Variants in SAMSN1 observed in about 807,000 individuals in gnomAD.
The protein encoded by SAMSN1 is SAM domain-containing protein SAMSN-1.
SAMSN1 carries 31 observed loss-of-function variants against 42.0 expected under a neutral mutation model. The observed-to-expected ratio is 0.74, with a 90% confidence interval of 0.55 to 1.00. SAMSN1 has a LOEUF of 1.00. Ranked by LOEUF, SAMSN1 falls within the 50% of genes least tolerant of loss-of-function variation. The pLI is 0.00. For synonymous variants in SAMSN1, 178 were observed against 151.9 expected, an observed-to-expected ratio of 1.17 and a Z score of -1.26; for missense variants, 464 against 439.4, an observed-to-expected ratio of 1.06 and a Z score of -0.50.
intron 2 of SAMSN1, among the ~76,000 whole-genome samples, chr21:14,625,001 A>G (rs1410317083): frequency 1.3e-5 from 2 of 152,218 alleles, no homozygotes; most frequent in Non-Finnish European, 1.5e-5. Flanking sequence ...ATAATCCAGC[A>G]TATAAACAGA....
In SAMSN1 at chr21:14,506,316, C is replaced by A. The variant is rs1223196681; in HGVS notation, c.561+3994G>T. Among the ~76,000 whole-genome samples, 18 of 151,632 alleles carry A rather than the reference C, an allele frequency of 1.2e-4. 1 individual carries two copies. Among genetic ancestry groups the A allele is most frequent in the Admixed American group, 1.1e-3 (17 of 15,218 alleles). ...TGAAAAGATGAATAAAATTAATAGA[C>A]CATTAGTAAGAATTCAAATAAGCTC... On this transcript the variant is annotated intron_variant, in intron 5 of 7. Transcript: ENST00000400566.
At chr21:14,504,436 A>G (rs537587740) in intron 5 of SAMSN1, among the ~76,000 whole-genome samples, 2 of 152,338 alleles carry the variant, frequency 1.3e-5, no homozygotes, top group South Asian at 2.1e-4. Flanking sequence ...AACAATGGAC[A>G]TGCTTATAGA....
At chr21:14,651,457 A>G (rs1019679595) in intron 1 of SAMSN1, among the ~76,000 whole-genome samples, 8 of 152,012 alleles carry the variant, frequency 5.3e-5, no homozygotes, top group Non-Finnish European at 1.2e-4. Context: ...AATTTATACT[A>G]AAAAATCATT....
intron 5 of SAMSN1, among the ~76,000 whole-genome samples, chr21:14,603,584 G>T (rs1982492860): frequency 6.6e-6 from 1 of 152,200 alleles, no homozygotes; most frequent in Admixed American, 6.5e-5. Context: ...TTAATTAAGT[G>T]TAGAGATTGA....
intron 5 of SAMSN1, among the ~76,000 whole-genome samples, chr21:14,504,742 AAACACG>A (rs1324031167): frequency 2.0e-5 from 3 of 152,196 alleles, no homozygotes; most frequent in Non-Finnish European, 4.4e-5. Context: ...CAAATACAAG[AAACACG>A]AACCTAGGAA....
chr21:14,527,562 A>C (rs1453623929), intron 1 of SAMSN1, among the ~76,000 whole-genome samples: 1 of 152,164 alleles, frequency 6.6e-6, no homozygotes, highest in South Asian at 2.1e-4. Context: ...GGTCTATTCT[A>C]TCTCTCTGGT....
chr21:14,501,639 A>C (rs1409085175), intron 5 of SAMSN1, among the ~76,000 whole-genome samples: 1 of 152,218 alleles, frequency 6.6e-6, no homozygotes, highest in Non-Finnish European at 1.5e-5. Flanking sequence ...CTATGGTATA[A>C]AATAAACCCA....
exon 2 of SAMSN1, chr21:14,582,222 C>A: frequency 6.4e-7 from 1 of 1,550,846 alleles, no homozygotes; most frequent in Non-Finnish European, 8.7e-7. Context: ...CAGGGTCCAA[C>A]TTGTGCTATT....
At chr21:14,504,572 A>T (rs1297918272) in intron 5 of SAMSN1, among the ~76,000 whole-genome samples, 1 of 152,234 alleles carries the variant, frequency 6.6e-6, no homozygotes, top group African/African-American at 2.4e-5. Context: ...GAATAAGAAA[A>T]TATGAACAAA....
At chr21:14,502,866 T>C (rs1195384039) in intron 5 of SAMSN1, among the ~76,000 whole-genome samples, 1 of 152,182 alleles carries the variant, frequency 6.6e-6, no homozygotes, top group African/African-American at 2.4e-5. Flanking sequence ...ACCTTAAATG[T>C]TAAATAATAA....
intron 1 of SAMSN1, among the ~76,000 whole-genome samples, chr21:14,543,484 C>T (rs940392269): frequency 6.6e-6 from 1 of 152,066 alleles, no homozygotes; most frequent in African/African-American, 2.4e-5. Flanking sequence ...TGATATAGGA[C>T]TGAAAATCTA....
At chr21:14,567,190 A>G (rs1377279741) in intron 2 of SAMSN1, among the ~76,000 whole-genome samples, 3 of 152,040 alleles carry the variant, frequency 2.0e-5, no homozygotes, top group Admixed American at 6.6e-5. Flanking sequence ...TTGTCAGAAG[A>G]CAGAAAGGAA....
intron 1 of SAMSN1, among the ~76,000 whole-genome samples, chr21:14,523,727 C>T (rs772158493): frequency 2.0e-5 from 3 of 152,134 alleles, no homozygotes; most frequent in African/African-American, 4.8e-5. Flanking sequence ...AGTAAGGGTG[C>T]GATTTCCACA....
intron 2 of SAMSN1, among the ~76,000 whole-genome samples, chr21:14,520,493 C>G (rs1978385877): frequency 6.6e-6 from 1 of 152,142 alleles, no homozygotes; most frequent in African/African-American, 2.4e-5. Context: ...TGAATTCTAT[C>G]TTTTCGGGTT....
At chr21:14,546,327 G>T (rs1453460476), upstream of SAMSN1, 50 of 1,604,288 alleles carry the variant, frequency 3.1e-5, no homozygotes, top group Non-Finnish European at 4.2e-5. Flanking sequence ...AAAACAGTCA[G>T]CAGTGTGCTG....
At chr21:14,621,244 C>T (rs562973954) in intron 2 of SAMSN1, among the ~76,000 whole-genome samples, 23 of 152,266 alleles carry the variant, frequency 1.5e-4, no homozygotes, top group South Asian at 1.4e-3. Context: ...ACACAGAAGA[C>T]GGGTGATTTC....
chr21:14,600,350 G>A (rs1982397530), intron 6 of SAMSN1, among the ~76,000 whole-genome samples: 1 of 152,142 alleles, frequency 6.6e-6, no homozygotes, highest in African/African-American at 2.4e-5. Flanking sequence ...ATATAGATAA[G>A]TGTTTCTTAG....
At chr21:14,544,661 T>A (rs982140914) in intron 1 of SAMSN1, among the ~76,000 whole-genome samples, 4 of 152,124 alleles carry the variant, frequency 2.6e-5, no homozygotes, top group Admixed American at 6.6e-5. Flanking sequence ...TTTTTCAAAA[T>A]TTTTTTTATT....
At chr21:14,602,152 G>T in intron 5 of SAMSN1, 1 of 490,610 alleles carries the variant, frequency 2.0e-6, no homozygotes. Flanking sequence ...ACAGGATTTA[G>T]GAAGTTTCGG....
Sources: gnomAD v4.1 joint callset for allele counts (sites outside exome capture counted in the v4.1 genomes callset) on GRCh38, gnomAD v4.1.1 for gene constraint, MANE v1.5 for transcripts, NCBI Gene and HGNC (gene_info 2026-07-23, HGNC 2026-07-21) for gene names.